The following AFG2A variants were observed in gnomAD, a reference collection of about 807,000 sequenced individuals.
AFG2A encodes AAA ATPase AFG2A.
the AFG2A span, among the ~76,000 whole-genome samples, chr4:122,999,920 T>C: frequency 6.6e-6 from 1 of 152,214 alleles, no homozygotes; most frequent in African/African-American, 2.4e-5. Context: ...TTTCACGATA[T>C]TGATTCTTCC....
the AFG2A span, among the ~76,000 whole-genome samples, chr4:122,976,693 C>T: frequency 6.6e-6 from 1 of 152,176 alleles, no homozygotes; most frequent in Non-Finnish European, 1.5e-5. Context: ...GTTTGCTTCG[C>T]TCTTGTATTT....
the AFG2A span, among the ~76,000 whole-genome samples, chr4:123,290,971 G>A: frequency 0.7 from 106,460 of 152,084 alleles, 39,126 homozygotes; most frequent in Non-Finnish European, 0.81. Flanking sequence ...GAATCTGGGA[G>A]CCCTGGAGTT....
chr4:122,952,140 T>C, the AFG2A span, among the ~76,000 whole-genome samples: 3 of 152,208 alleles, frequency 2.0e-5, no homozygotes, highest in Non-Finnish European at 4.4e-5. Context: ...TAAGGCATAA[T>C]GTATAGCACA....
the AFG2A span, among the ~76,000 whole-genome samples, chr4:123,226,114 G>A: frequency 3.9e-5 from 6 of 152,182 alleles, no homozygotes; most frequent in African/African-American, 1.2e-4. Flanking sequence ...ACTTTGGGCT[G>A]AGACGAAGGG....
At chr4:123,101,553 A>C in the AFG2A span, among the ~76,000 whole-genome samples, 1 of 151,978 alleles carries the variant, frequency 6.6e-6, no homozygotes, top group Admixed American at 6.6e-5. Flanking sequence ...TGAAATATGT[A>C]CTTAATTTTC....
chr4:122,999,810 T>G, the AFG2A span, among the ~76,000 whole-genome samples: 1 of 152,062 alleles, frequency 6.6e-6, no homozygotes, highest in East Asian at 1.9e-4. Context: ...TGGTTCCATA[T>G]GAACTTTAAA....
chr4:123,212,347 C>T, the AFG2A span, among the ~76,000 whole-genome samples: 80 of 152,230 alleles, frequency 5.3e-4, no homozygotes, highest in East Asian at 0.014. Flanking sequence ...ACACAGATCA[C>T]GCATCATTTT....
the AFG2A span, among the ~76,000 whole-genome samples, chr4:123,125,156 C>T: frequency 1.3e-5 from 2 of 152,206 alleles, no homozygotes; most frequent in East Asian, 3.9e-4. Context: ...TTTCTAGACA[C>T]GTACAGAAAA....
the AFG2A span, among the ~76,000 whole-genome samples, chr4:123,097,197 A>G: frequency 6.6e-6 from 1 of 152,084 alleles, no homozygotes. Context: ...ATATTTAGGA[A>G]TGTCCACAAA....
chr4:122,939,075 CTTTTTTT>C, the AFG2A span, among the ~76,000 whole-genome samples: 3 of 102,190 alleles, frequency 2.9e-5, no homozygotes, highest in African/African-American at 7.1e-5. Flanking sequence ...TATGTTCTTT[CTTTTTTT>C]TTTTTTTTTT....
the AFG2A span, chr4:123,090,787 AC>A: frequency 3.2e-6 from 5 of 1,550,932 alleles, no homozygotes; most frequent in Admixed American, 9.2e-5. Flanking sequence ...TTGTCAAATT[AC>A]TTTCTAATCA....
At chr4:122,985,693 C>A in the AFG2A span, among the ~76,000 whole-genome samples, 235 of 150,428 alleles carry the variant, frequency 1.6e-3, 2 homozygotes, top group African/African-American at 5.5e-3. Flanking sequence ...GTTAATCTTT[C>A]TAATTGTCTA....
the AFG2A span, among the ~76,000 whole-genome samples, chr4:123,300,786 C>T: frequency 6.7e-6 from 1 of 150,186 alleles, no homozygotes; most frequent in Non-Finnish European, 1.5e-5. Flanking sequence ...AAATAAGACA[C>T]AGGTGTTTAG....
the AFG2A span, among the ~76,000 whole-genome samples, chr4:123,053,073 G>C: frequency 6.6e-6 from 1 of 152,180 alleles, no homozygotes; most frequent in Admixed American, 6.5e-5. Context: ...AGATTGGATG[G>C]TACCCACCCA....
the AFG2A span, among the ~76,000 whole-genome samples, chr4:123,267,703 A>G: frequency 0.022 from 3,317 of 152,206 alleles, 65 homozygotes; most frequent in Non-Finnish European, 0.035. Context: ...ACGTAAGTCA[A>G]ACACTGTTAG....
the AFG2A span, among the ~76,000 whole-genome samples, chr4:123,121,504 A>G: frequency 1.2e-4 from 19 of 152,192 alleles, no homozygotes; most frequent in Non-Finnish European, 2.4e-4. Flanking sequence ...CTATACAGGC[A>G]TACCGTTTTT....
At chr4:123,217,745 T>C in the AFG2A span, among the ~76,000 whole-genome samples, 46 of 152,234 alleles carry the variant, frequency 3.0e-4, no homozygotes, top group South Asian at 7.1e-3. Flanking sequence ...TAAAAATGAG[T>C]GAGACATGGT....
the AFG2A span, among the ~76,000 whole-genome samples, chr4:122,959,168 T>C: frequency 1.3e-5 from 2 of 152,204 alleles, no homozygotes; most frequent in Non-Finnish European, 2.9e-5. Context: ...TACCCAGTTT[T>C]TGGAGATTCT....
chr4:123,083,808 G>T, the AFG2A span, among the ~76,000 whole-genome samples: 1 of 151,668 alleles, frequency 6.6e-6, no homozygotes, highest in Admixed American at 6.6e-5. Flanking sequence ...GTTTGGTTTT[G>T]GTATTCGTCT....
Sources: allele counts gnomAD v4.1 joint callset (sites outside exome capture counted in the v4.1 genomes callset), GRCh38; gene constraint gnomAD v4.1.1; transcripts MANE v1.5; gene names NCBI Gene and HGNC (gene_info 2026-07-23, HGNC 2026-07-21).